Variants in FLT1 observed in about 807,000 individuals in gnomAD.
FLT1 encodes the protein vascular endothelial growth factor receptor 1.
In FLT1, 49 loss-of-function variants were observed where a neutral mutation model predicts 156.3. The ratio of observed to expected loss-of-function variants is 0.31; its 90% CI spans 0.25 to 0.40. The LOEUF is 0.40. Ranked by LOEUF, FLT1 falls within the 10% of genes least tolerant of loss-of-function variation. FLT1 has a pLI of 1.00. For missense variants in FLT1, 1,322 were observed against 1,637.2 expected, an observed-to-expected ratio of 0.81 and a Z score of 3.32; for synonymous variants, 594 against 583.8, an observed-to-expected ratio of 1.02 and a Z score of -0.25.
At chr13:28,409,145 T>C (rs757775638) in intron 10 of FLT1, among the ~76,000 whole-genome samples, 20 of 152,200 alleles carry the variant, frequency 1.3e-4, no homozygotes, top group Non-Finnish European at 2.5e-4. Context: ...TGACACATTA[T>C]GGGAAACTGC....
intron 11 of FLT1, among the ~76,000 whole-genome samples, chr13:28,404,395 G>T (rs554631915): frequency 6.6e-6 from 1 of 152,312 alleles, no homozygotes; most frequent in East Asian, 1.9e-4. Context: ...CTGTCTTTGG[G>T]TTAATCATCT....
chr13:28,381,613 T>C (rs1874082158), intron 14 of FLT1, among the ~76,000 whole-genome samples: 1 of 152,148 alleles, frequency 6.6e-6, no homozygotes, highest in South Asian at 2.1e-4. Context: ...AGTTTACCAA[T>C]TTCTTTCACA....
chr13:28,372,563 AATGT>A (rs1350957273), intron 14 of FLT1, among the ~76,000 whole-genome samples: 5 of 46,594 alleles, frequency 1.1e-4, no homozygotes, highest in African/African-American at 6.2e-5. Context: ...GTTTAAATAA[AATGT>A]ATATATATAT....
At chr13:28,484,213 G>A (rs957801150) in intron 1 of FLT1, among the ~76,000 whole-genome samples, 9 of 152,290 alleles carry the variant, frequency 5.9e-5, no homozygotes, top group Middle Eastern at 6.8e-3. Flanking sequence ...CACACTTCCA[G>A]GTCGTTCTGT....
chr13:28,391,009 A>G (rs1399199950), intron 12 of FLT1, among the ~76,000 whole-genome samples: 5 of 152,160 alleles, frequency 3.3e-5, no homozygotes, highest in Non-Finnish European at 5.9e-5. Context: ...ACAGTGGGCC[A>G]GAGAGGAGCC....
At chr13:28,461,296 C>A (rs1180978446) in intron 3 of FLT1, among the ~76,000 whole-genome samples, 1 of 152,134 alleles carries the variant, frequency 6.6e-6, no homozygotes, top group African/African-American at 2.4e-5. Context: ...ACTGTATAAT[C>A]TATGTTCTTA....
Position 28,345,721 on chromosome 13 carries a change from C to T in FLT1, c.2249-170G>A, listed in dbSNP as rs1199650802. ...CAGATCTCTTACCTTCTAAGCCAGG[C>T]AGTATACATGAACTCACATAGAAAA... On this transcript the variant is annotated intron_variant, in intron 15 of 29. Coordinates refer to ENST00000282397, the MANE Select transcript of FLT1 (RefSeq NM_002019.4). The T allele has an allele frequency of 9.4e-6, 6 of 638,226 alleles. No homozygotes were observed. In the Admixed American group the frequency reaches 1.2e-4, roughly 12 times the overall value. 39.5% of individuals were successfully genotyped at this position (638,226 alleles called of 1,614,324 possible).
chr13:28,360,449 A>G (rs1873071669), intron 14 of FLT1, among the ~76,000 whole-genome samples: 1 of 152,232 alleles, frequency 6.6e-6, no homozygotes, highest in Non-Finnish European at 1.5e-5. Flanking sequence ...GTGTCCATCA[A>G]TGGATGAATA....
At chr13:28,311,530 CT>C in intron 27 of FLT1, 59 bp downstream of exon 27, 1 of 1,384,062 alleles carries the variant, frequency 7.2e-7, no homozygotes, top group African/African-American at 1.4e-5. Context: ...TTTCGTCTTT[CT>C]TTCCTTCTTT....
At chr13:28,318,938 T>C (rs1482335998) in intron 24 of FLT1, among the ~76,000 whole-genome samples, 2 of 152,210 alleles carry the variant, frequency 1.3e-5, no homozygotes, top group East Asian at 3.8e-4. Flanking sequence ...TCCAGAGCCA[T>C]ATCATGTGTT....
intron 14 of FLT1, among the ~76,000 whole-genome samples, chr13:28,369,805 G>T (rs1873473195): frequency 6.6e-6 from 1 of 152,228 alleles, no homozygotes; most frequent in Admixed American, 6.5e-5. Context: ...AGACTTGATG[G>T]CAGTGTAAGC....
At chr13:28,318,230 A>G (rs751667841) in intron 24 of FLT1, among the ~76,000 whole-genome samples, 2 of 152,268 alleles carry the variant, frequency 1.3e-5, no homozygotes, top group African/African-American at 4.8e-5. Context: ...ACCTTCCTAT[A>G]GTACCAGGGC....
chr13:28,487,477 G>A (rs1881228883), intron 1 of FLT1, among the ~76,000 whole-genome samples: 1 of 152,176 alleles, frequency 6.6e-6, no homozygotes, highest in Non-Finnish European at 1.5e-5. Flanking sequence ...TGGCTTGAGA[G>A]GAAATCCATT....
intron 11 of FLT1, among the ~76,000 whole-genome samples, chr13:28,403,528 T>C (rs932596929): frequency 6.6e-6 from 1 of 152,208 alleles, no homozygotes; most frequent in African/African-American, 2.4e-5. Flanking sequence ...TTGTATATTT[T>C]TGTGGATAGG....
At chr13:28,471,443 A>G (rs559607193) in intron 1 of FLT1, among the ~76,000 whole-genome samples, 1 of 152,354 alleles carries the variant, frequency 6.6e-6, no homozygotes, top group East Asian at 1.9e-4. Context: ...TCTTTGAGGC[A>G]GTTTCATGTC....
At chr13:28,410,441 C>G (rs1027750061) in intron 10 of FLT1, among the ~76,000 whole-genome samples, 20 of 152,308 alleles carry the variant, frequency 1.3e-4, no homozygotes, top group South Asian at 2.1e-4. Flanking sequence ...TGTTTAGTGC[C>G]TGTTATGGTA....
intron 14 of FLT1, chr13:28,368,756 G>A (rs1873420222): frequency 1.5e-6 from 1 of 654,464 alleles, no homozygotes; most frequent in Admixed American, 2.4e-5. Flanking sequence ...CCAGGCTGGA[G>A]TGCAATGGTG....
chr13:28,426,270 AT>A (rs951115881), intron 10 of FLT1, among the ~76,000 whole-genome samples: 3 of 151,830 alleles, frequency 2.0e-5, no homozygotes, highest in African/African-American at 7.3e-5. Context: ...TATCAAGTCT[AT>A]TCCTGTTCTT....
chr13:28,366,976 C>T (rs1375219756), intron 14 of FLT1, among the ~76,000 whole-genome samples: 1 of 152,204 alleles, frequency 6.6e-6, no homozygotes, highest in Non-Finnish European at 1.5e-5. Context: ...GACAGCTGAC[C>T]TTCAGTAACT....
Sources: allele counts gnomAD v4.1 joint callset (sites outside exome capture counted in the v4.1 genomes callset), GRCh38; gene constraint gnomAD v4.1.1; transcripts MANE v1.5; gene names NCBI Gene and HGNC (gene_info 2026-07-23, HGNC 2026-07-21).